The following TMC1 variants were observed in gnomAD, a reference collection of about 807,000 sequenced individuals.
TMC1 encodes transmembrane channel-like protein 1.
In TMC1, 84 loss-of-function variants were observed where a neutral mutation model predicts 105.8. The ratio of observed to expected loss-of-function variants is 0.79; its 90% CI spans 0.67 to 0.95. TMC1 has a LOEUF of 0.95. Among genes scored for constraint, TMC1 ranks in the 40% least tolerant of loss-of-function variants. TMC1 has a pLI of 0.00. For synonymous variants in TMC1, 315 were observed against 311.5 expected (o/e 1.01, Z -0.12); for missense variants, 817 against 914.1 (o/e 0.89, Z 1.37).
chr9:72,619,939 A>G (rs1054591443), intron 3 of TMC1, among the ~76,000 whole-genome samples: 1 of 151,838 alleles, frequency 6.6e-6, no homozygotes, highest in Non-Finnish European at 1.5e-5. Context: ...GGTTCAAGTG[A>G]TTCTCCTGCC....
chr9:72,580,889 G>A (rs1251242550), intron 2 of TMC1, among the ~76,000 whole-genome samples: 2 of 152,094 alleles, frequency 1.3e-5, no homozygotes, highest in African/African-American at 2.4e-5. Context: ...TCTCATTCAG[G>A]GTTAAATGAT....
At chr9:72,822,514 TTGTGTGTGTGTG>T (rs368968408) in intron 20 of TMC1, among the ~76,000 whole-genome samples, 149 of 135,862 alleles carry the variant, frequency 1.1e-3, no homozygotes, top group African/African-American at 3.8e-3. Flanking sequence ...GTTAATTCCG[TTGTGTGTGTGTG>T]TGTGTGTGTG....
intron 10 of TMC1, among the ~76,000 whole-genome samples, chr9:72,748,836 A>T (rs1373305180): frequency 6.6e-6 from 1 of 152,136 alleles, no homozygotes; most frequent in Non-Finnish European, 1.5e-5. Flanking sequence ...TCTGCTATTG[A>T]TAGGTCTAGT....
At chr9:72,699,220 G>A (rs1176526971) in intron 7 of TMC1, among the ~76,000 whole-genome samples, 2 of 152,014 alleles carry the variant, frequency 1.3e-5, no homozygotes, top group Non-Finnish European at 2.9e-5. Context: ...TTTGAGTTCT[G>A]GACCGCATAG....
chr9:72,617,257 G>A (rs576868339), intron 3 of TMC1, among the ~76,000 whole-genome samples: 9 of 152,078 alleles, frequency 5.9e-5, no homozygotes, highest in Non-Finnish European at 1.2e-4. Context: ...TGCCTCCTGG[G>A]TTTAAATGAT....
intron 7 of TMC1, among the ~76,000 whole-genome samples, chr9:72,697,351 A>G (rs943996733): frequency 2.6e-5 from 4 of 152,152 alleles, no homozygotes; most frequent in Admixed American, 2.6e-4. Context: ...GCAATCTTCA[A>G]AAGTCCATAA....
chr9:72,653,464 C>T (rs1440815644), intron 5 of TMC1, among the ~76,000 whole-genome samples: 1 of 152,062 alleles, frequency 6.6e-6, no homozygotes, highest in African/African-American at 2.4e-5. Context: ...ACTTACATAC[C>T]ATAGGTTACT....
intron 8 of TMC1, among the ~76,000 whole-genome samples, chr9:72,723,534 G>A (rs1827067156): frequency 6.6e-6 from 1 of 152,152 alleles, no homozygotes; most frequent in Non-Finnish European, 1.5e-5. Flanking sequence ...ACAGTTTTCT[G>A]TCTCAGGATT....
intron 3 of TMC1, among the ~76,000 whole-genome samples, chr9:72,623,945 T>G (rs1299480667): frequency 6.6e-6 from 1 of 152,094 alleles, no homozygotes; most frequent in Non-Finnish European, 1.5e-5. Context: ...GGTGAGCCCT[T>G]GGATGGTGGT....
chr9:72,777,563 T>C (rs1413483247), intron 13 of TMC1, among the ~76,000 whole-genome samples: 2 of 152,176 alleles, frequency 1.3e-5, no homozygotes, highest in South Asian at 2.1e-4. Context: ...CAAACTATAG[T>C]TGACCTTATT....
chr9:72,570,251 GTGTGTGTGTGTGT>G (rs1824252730), intron 1 of TMC1, among the ~76,000 whole-genome samples: 1 of 126,530 alleles, frequency 7.9e-6, no homozygotes, highest in South Asian at 2.5e-4. Context: ...GTGTGTGTGT[GTGTGTGTGTGTGT>G]GGTAAATACT....
chr9:72,606,777 C>T (rs1824921318), intron 2 of TMC1, among the ~76,000 whole-genome samples: 1 of 152,080 alleles, frequency 6.6e-6, no homozygotes, highest in Non-Finnish European at 1.5e-5. Context: ...TGACTCCAGC[C>T]TCTGGTGCTA....
chr9:72,803,575 C>T (rs1038267853), intron 17 of TMC1, among the ~76,000 whole-genome samples: 7 of 152,114 alleles, frequency 4.6e-5, no homozygotes, highest in African/African-American at 1.7e-4. Context: ...GGGTGAAGGA[C>T]ATGAACAGAC....
chr9:72,675,431 T>C (rs1331572075), intron 5 of TMC1, among the ~76,000 whole-genome samples: 2 of 152,178 alleles, frequency 1.3e-5, no homozygotes, highest in Non-Finnish European at 2.9e-5. Context: ...ACCAAAGTGA[T>C]TCCATCCCAT....
rs1038752912 is a variant in TMC1 at position 72,836,985 on chromosome 9, T to C, written c.*1012T>C. ...CTTGGAAGAGAGCCAAGTGGGCAAA[T>C]TGAGAGTTCCAAGTGCCCTGTTCAG... On this transcript the variant is annotated 3_prime_UTR_variant, in exon 24 of 24. Transcript: ENST00000297784. The C allele has an allele frequency of 1.3e-5, 2 of 152,172 alleles. No individual in the cohort carries two copies. The highest frequency in any genetic ancestry group is 2.9e-5 in the Non-Finnish European group (2 of 68,042). The allele number at this position is 152,172 out of a possible 1,614,324, so 9.4% of individuals were successfully genotyped here.
intron 2 of TMC1, among the ~76,000 whole-genome samples, chr9:72,598,859 G>T (rs138374100): frequency 6.6e-6 from 1 of 151,988 alleles, no homozygotes; most frequent in Non-Finnish European, 1.5e-5. Context: ...TGTCAGAACC[G>T]TCTGTTTCCT....
At chr9:72,581,681 AT>A (rs1824477580) in intron 2 of TMC1, among the ~76,000 whole-genome samples, 1 of 152,194 alleles carries the variant, frequency 6.6e-6, no homozygotes, top group South Asian at 2.1e-4. Flanking sequence ...TTGCCTTCTC[AT>A]CTCCACTGTT....
At chr9:72,569,594 T>C (rs1379046313) in intron 1 of TMC1, among the ~76,000 whole-genome samples, 3 of 152,128 alleles carry the variant, frequency 2.0e-5, no homozygotes, top group Non-Finnish European at 4.4e-5. Flanking sequence ...GCAGGGCATT[T>C]AGGCAGAGGA....
rs200714142 is a variant in TMC1 at position 72,545,339 on chromosome 9, AC to A, written c.-428+23428del. Among the ~76,000 whole-genome samples, 1,154 of 151,634 alleles carry A rather than the reference AC, an allele frequency of 7.6e-3. 23 individuals carry two copies. The highest frequency in any genetic ancestry group is 0.026 in the African/African-American group (1,085 of 41,288). The stretch of plus-strand genomic sequence containing the variant: ...ATTAATATGTTTTTTTTAAAAAAAA[AC>A]CTTTTACATATATATTGGTCTGTCA... On this transcript the variant is annotated intron_variant, in intron 1 of 23. Transcript: ENST00000297784.
Sources: gnomAD v4.1 joint callset for allele counts (sites outside exome capture counted in the v4.1 genomes callset) on GRCh38, gnomAD v4.1.1 for gene constraint, MANE v1.5 for transcripts, NCBI Gene and HGNC (gene_info 2026-07-23, HGNC 2026-07-21) for gene names.